The following LRP1B variants were observed in gnomAD, a reference collection of about 807,000 sequenced individuals.
LRP1B encodes LDL receptor related protein 1B, also known as low-density lipoprotein receptor-related protein 1B.
Under a neutral mutation model 556.6 loss-of-function variants are expected in LRP1B, and 217 were observed. The ratio of observed to expected loss-of-function variants is 0.39; its 90% CI spans 0.35 to 0.44. The LOEUF (loss-of-function observed/expected upper bound fraction) is 0.44, where lower values mean the gene tolerates loss of function less well. LRP1B is among the 20% of genes least tolerant of loss of function. The probability of loss-of-function intolerance (pLI) is 1.00; values close to 1 mark genes in which losing one functional copy is unlikely to be tolerated. For synonymous variants in LRP1B, 2,047 were observed against 1,865.8 expected, an observed-to-expected ratio of 1.10 and a Z score of -2.50; for missense variants, 5,053 against 5,620.8, an observed-to-expected ratio of 0.90 and a Z score of 3.23.
intron 7 of LRP1B, among the ~76,000 whole-genome samples, chr2:141,121,953 C>T (rs1346095924): frequency 6.6e-6 from 1 of 152,106 alleles, no homozygotes; most frequent in Non-Finnish European, 1.5e-5. Flanking sequence ...TACCACACAT[C>T]TATAACCATC....
At chr2:140,962,377 C>A (rs1191311279) in intron 18 of LRP1B, among the ~76,000 whole-genome samples, 1 of 152,064 alleles carries the variant, frequency 6.6e-6, no homozygotes, top group African/African-American at 2.4e-5. Flanking sequence ...GCTAAAAACA[C>A]CAGAGCAGGT....
intron 77 of LRP1B, among the ~76,000 whole-genome samples, chr2:140,345,698 C>A (rs1372416581): frequency 7.0e-6 from 1 of 143,148 alleles, no homozygotes; most frequent in Non-Finnish European, 1.5e-5. Context: ...AATTCATGTC[C>A]TCTCATAACT....
intron 2 of LRP1B, among the ~76,000 whole-genome samples, chr2:141,492,091 A>AAAAAAAAAAAAAAAAAAAAAAAAAC (rs67960557): frequency 6.0e-5 from 6 of 100,194 alleles, no homozygotes; most frequent in Non-Finnish European, 9.4e-5. Context: ...AAAAAAAAAA[A>AAAAAAAAAAAAAAAAAAAAAAAAAC]CACTAAGAAA....
chr2:141,289,237 T>A lies in LRP1B; in HGVS notation c.344-34596A>T, dbSNP rs554855417. Among the ~76,000 whole-genome samples the A allele has an allele frequency of 6.6e-5, 10 of 151,294 alleles. No homozygotes were observed. In the South Asian group the frequency reaches 1.9e-3, roughly 29 times the overall value. On this transcript the variant is annotated intron_variant, in intron 3 of 90. Transcript: ENST00000389484. ...GTCTCTACTAAAAATACAAAAAAAA[T>A]TAGCCGGGGTGTCGGGTGCCTGCAG...
chr2:141,404,530 C>A (rs1690558984), intron 3 of LRP1B, among the ~76,000 whole-genome samples: 1 of 152,078 alleles, frequency 6.6e-6, no homozygotes, highest in Non-Finnish European at 1.5e-5. Flanking sequence ...GCCAGAGCTG[C>A]TTTTTATTAT....
chr2:140,494,459 G>A (rs193059168), intron 56 of LRP1B, among the ~76,000 whole-genome samples: 2,648 of 152,070 alleles, frequency 0.017, 26 homozygotes, highest in Middle Eastern at 0.044. Flanking sequence ...AACAAAATTA[G>A]CCGGGTGTGG....
At chr2:141,555,809 A>T (rs1407125978) in intron 2 of LRP1B, among the ~76,000 whole-genome samples, 1 of 151,942 alleles carries the variant, frequency 6.6e-6, no homozygotes, top group Admixed American at 6.6e-5. Context: ...TATACAGATT[A>T]AAAGAGTCTT....
At chr2:140,378,417 T>C (rs1442010467) in intron 67 of LRP1B, 131 bp from the exon 68 acceptor site, 23 of 569,310 alleles carry the variant, frequency 4.0e-5, no homozygotes, top group Non-Finnish European at 7.3e-5. Context: ...ATATATTGTT[T>C]AGGAAAAATC....
chr2:141,145,365 T>C (rs1213108547), intron 7 of LRP1B, among the ~76,000 whole-genome samples: 1 of 150,078 alleles, frequency 6.7e-6, no homozygotes, highest in African/African-American at 2.5e-5. Context: ...GAAAAGTTTA[T>C]CACAGAAATG....
At chr2:141,583,102 C>T (rs950726408) in intron 2 of LRP1B, among the ~76,000 whole-genome samples, 7 of 152,038 alleles carry the variant, frequency 4.6e-5, no homozygotes, top group Admixed American at 3.3e-4. Context: ...TCCCAAAGTG[C>T]TGGGATTACA....
At chr2:140,364,625 TA>T (rs1415902442) in intron 72 of LRP1B, 35 bp downstream of exon 72, 1 of 1,601,928 alleles carries the variant, frequency 6.2e-7, no homozygotes, top group Non-Finnish European at 8.5e-7. Flanking sequence ...GATCAGAAGA[TA>T]AAAGTATAAT....
chr2:141,433,832 A>G (rs1680658714), intron 3 of LRP1B, among the ~76,000 whole-genome samples: 2 of 149,902 alleles, frequency 1.3e-5, no homozygotes, highest in Non-Finnish European at 3.0e-5. Context: ...TTCAGGTACT[A>G]TGTTTTTGAA....
chr2:142,129,576 T>TCTC (rs1707773380), intron 1 of LRP1B, among the ~76,000 whole-genome samples: 1 of 111,056 alleles, frequency 9.0e-6, no homozygotes, highest in African/African-American at 3.5e-5. Context: ...CTGGGTTTCT[T>TCTC]TCTCTCTTTC....
intron 3 of LRP1B, among the ~76,000 whole-genome samples, chr2:141,257,906 T>C (rs2105346388): frequency 6.6e-6 from 1 of 151,888 alleles, no homozygotes; most frequent in Non-Finnish European, 1.5e-5. Context: ...AATGCTATAA[T>C]GACTATAAAT....
At chr2:141,843,742 T>C (rs1697552631) in intron 1 of LRP1B, among the ~76,000 whole-genome samples, 2 of 152,158 alleles carry the variant, frequency 1.3e-5, no homozygotes, top group South Asian at 4.1e-4. Flanking sequence ...CGGCAAAGCA[T>C]ATTCCATTGT....
intron 83 of LRP1B, among the ~76,000 whole-genome samples, chr2:140,303,346 C>T (rs1337729943): frequency 6.6e-6 from 1 of 152,040 alleles, no homozygotes; most frequent in Non-Finnish European, 1.5e-5. Flanking sequence ...CTCCCGGGTT[C>T]ACGCAATTCT....
chr2:141,474,855 CCAAT>C (rs1435810696), intron 3 of LRP1B, among the ~76,000 whole-genome samples: 5 of 151,832 alleles, frequency 3.3e-5, no homozygotes, highest in Non-Finnish European at 5.9e-5. Context: ...TTTTTTTTCT[CCAAT>C]CAGTTTTAGT....
intron 1 of LRP1B, among the ~76,000 whole-genome samples, chr2:141,998,667 T>G (rs1702566005): frequency 6.6e-6 from 1 of 152,050 alleles, no homozygotes; most frequent in African/African-American, 2.4e-5. Flanking sequence ...TTTTACACAT[T>G]TTAGGGGAAT....
chr2:140,932,211 C>G (rs1053315804), intron 20 of LRP1B, among the ~76,000 whole-genome samples: 1 of 151,906 alleles, frequency 6.6e-6, no homozygotes, highest in Admixed American at 6.6e-5. Flanking sequence ...CTCCCTTTTG[C>G]CTTTGTCCAA....
Sources: gnomAD v4.1 joint callset for allele counts (sites outside exome capture counted in the v4.1 genomes callset) on GRCh38, gnomAD v4.1.1 for gene constraint, MANE v1.5 for transcripts, NCBI Gene and HGNC (gene_info 2026-07-23, HGNC 2026-07-21) for gene names.